The following ERLIN2 variants were observed in gnomAD, a reference collection of about 807,000 sequenced individuals.
ERLIN2 encodes the protein ER lipid raft associated 2.
ERLIN2 carries 22 observed loss-of-function variants against 41.5 expected under a neutral mutation model. The ratio of observed to expected loss-of-function variants is 0.53; its 90% confidence interval spans 0.38 to 0.76. The LOEUF (loss-of-function observed/expected upper bound fraction) is 0.76. Ranked by LOEUF, ERLIN2 falls within the 30% of genes least tolerant of loss-of-function variation. ERLIN2 has a pLI of 0.00. For missense variants in ERLIN2, 247 were observed against 414.3 expected (o/e 0.60, Z 3.51); for synonymous variants, 149 against 150.9 (o/e 0.99, Z 0.09).
rs1231085539 is a variant in ERLIN2 at position 37,750,308 on chromosome 8, C to G, written c.558-87C>G. On this transcript the variant is annotated intron_variant, in intron 8 of 11. Coordinates refer to ENST00000519638, the MANE Select transcript of ERLIN2 (RefSeq NM_007175.8). ...AGGAGTAGGAAATGGGAGTTTGCCT[C>G]TCTTCAGCAGAAGAATTCGACTTAC... The G allele has an allele frequency of 3.9e-6, 4 of 1,034,272 alleles. No homozygotes were observed. The African/African-American group carries it at 4.7e-5, about 12-fold the overall frequency. The allele number at this position is 1,034,272 out of a possible 1,614,324, so 64.1% of individuals were successfully genotyped here. A position where few individuals can be genotyped will look rare whatever the true frequency, so the allele number is the denominator to read the frequency against.
intron 6 of ERLIN2, chr8:37,744,961 C>G: frequency 1.6e-6 from 1 of 620,618 alleles, no homozygotes; most frequent in Non-Finnish European, 2.9e-6. Flanking sequence ...CAATCAGAGG[C>G]TGGAGTGGAA....
chr8:37,748,970 GC>G, intron 6 of ERLIN2, among the ~76,000 whole-genome samples: 1 of 152,330 alleles, frequency 6.6e-6, no homozygotes, highest in South Asian at 2.1e-4. Context: ...AAAGCCTGGG[GC>G]TCGCTTCCAG....
Position 37,744,632 on chromosome 8 carries a change from C to T in ERLIN2, c.360C>T (p.Ile120=), listed in dbSNP as rs1802974342. Residue 120 remains isoleucine (I), a synonymous_variant, in exon 6 of 12, where the codon ATC becomes ATT. Coordinates refer to ENST00000519638, the MANE Select transcript of ERLIN2 (RefSeq NM_007175.8). The stretch of plus-strand genomic sequence containing the variant: ...ACAAGGCCCTCATCTTCAACAAGAT[C>T]CACCACGAACTGAACCAGTTCTGCA... ...DYDKALIFNK[I]HHELNQFCSV... 6.2e-7 allele frequency: 1 copy of T among 1,613,918 alleles called. No homozygotes were observed.
At chr8:37,740,526 C>A in intron 3 of ERLIN2, 80 bp downstream of exon 3, 2 of 915,188 alleles carry the variant, frequency 2.2e-6, no homozygotes, top group South Asian at 1.3e-5. Context: ...ATTATTTAGC[C>A]ATTGGATGAG....
intron 3 of ERLIN2, 102 bp downstream of exon 3, chr8:37,740,548 T>C: frequency 1.5e-6 from 1 of 674,936 alleles, no homozygotes; most frequent in Non-Finnish European, 2.8e-6. Flanking sequence ...AAAATGCCAT[T>C]CTAGAGAATG....
At chr8:37,751,475 C>T in intron 9 of ERLIN2, 151 bp from the exon 10 acceptor site, 1 of 693,888 alleles carries the variant, frequency 1.4e-6, no homozygotes, top group South Asian at 1.5e-5. Context: ...TGCTCACTGG[C>T]ATATCCCACT....
intron 11 of ERLIN2, 63 bp downstream of exon 11, chr8:37,753,592 G>T: frequency 6.8e-7 from 1 of 1,469,446 alleles, no homozygotes; most frequent in Non-Finnish European, 9.5e-7. Context: ...TTGCAGGAGA[G>T]TTTCCAGTGT....
At chr8:37,736,709 C>G in intron 1 of ERLIN2, 31 bp downstream of exon 1, 4 of 985,698 alleles carry the variant, frequency 4.1e-6, no homozygotes, top group Non-Finnish European at 4.8e-6. Context: ...CGTGCGCGCG[C>G]TGGGCCTAGC....
intron 6 of ERLIN2, among the ~76,000 whole-genome samples, chr8:37,749,176 C>T (rs1361466304): frequency 1.3e-5 from 2 of 152,218 alleles, no homozygotes; most frequent in African/African-American, 4.8e-5. Flanking sequence ...AAACTGTGAA[C>T]CTTCCTTCTC....
chr8:37,753,790 A>G (rs1249087047), intron 11 of ERLIN2, 125 bp from the exon 12 acceptor site: 10 of 866,168 alleles, frequency 1.2e-5, no homozygotes, highest in Non-Finnish European at 1.9e-5. Flanking sequence ...TCTTACAGAA[A>G]TGTAACAATG....
intron 8 of ERLIN2, chr8:37,750,128 T>C (rs1803185306): frequency 1.6e-6 from 1 of 620,290 alleles, no homozygotes; most frequent in Admixed American, 2.7e-5. Flanking sequence ...ATGCCCAAGG[T>C]GGAGACAGGA....
At chr8:37,737,821 G>A (rs772458014) in intron 1 of ERLIN2, 87 bp from the exon 2 acceptor site, 5 of 1,533,432 alleles carry the variant, frequency 3.3e-6, no homozygotes, top group Admixed American at 3.5e-5. Context: ...CACTCGCAGG[G>A]AGCTCAGCTT....
chr8:37,737,743 T>C, intron 1 of ERLIN2, 165 bp from the exon 2 acceptor site: 2 of 726,340 alleles, frequency 2.8e-6, no homozygotes, highest in Non-Finnish European at 4.6e-6. Flanking sequence ...GAACGTTGAC[T>C]GAGAACGAGG....
chr8:37,747,485 C>T, intron 6 of ERLIN2: 2 of 1,612,274 alleles, frequency 1.2e-6, no homozygotes, highest in Non-Finnish European at 1.7e-6. Flanking sequence ...GAGTCAGCAA[C>T]TTCCCTAGCC....
chr8:37,752,041 G>A (rs1036436025), intron 10 of ERLIN2, among the ~76,000 whole-genome samples: 24 of 152,142 alleles, frequency 1.6e-4, no homozygotes, highest in Non-Finnish European at 2.1e-4. Flanking sequence ...GCCTTGGAGC[G>A]GTGGGAGTGT....
chr8:37,742,586 T>C (rs1486499669), intron 4 of ERLIN2, among the ~76,000 whole-genome samples: 1 of 152,048 alleles, frequency 6.6e-6, no homozygotes, highest in East Asian at 1.9e-4. Context: ...TTCTCACTTA[T>C]AAGTGGGAAC....
At position 37,744,556 on chromosome 8, in the gene ERLIN2, C is replaced by T; in HGVS notation, c.299-15C>T. 6.2e-7 allele frequency: 1 copy of T among 1,614,176 alleles called. No individual in the cohort carries two copies. Among genetic ancestry groups the T allele is most frequent in the South Asian group, 1.1e-5 (1 of 91,086 alleles). On this transcript the variant is annotated splice_polypyrimidine_tract_variant and intron_variant, in intron 5 of 11. Transcript: ENST00000519638. ...CTTGCCTTTTCTTATGCCAAGCCCT[C>T]TCCTTCCCTCTCAGTGTATGATATA...
rs1162205835 is a variant in ERLIN2, at chr8:37,741,543, A to G, written c.190-229A>G. Reference sequence around the variant, plus strand: ...CCAGTGTCATCTTCACTAAACCATTATTACTCAGCTTGTTGATGTGGTGGT... The same window carrying G: ...CCAGTGTCATCTTCACTAAACCATTGTTACTCAGCTTGTTGATGTGGTGGT... On this transcript the variant is annotated intron_variant, in intron 3 of 11. Transcript: ENST00000519638. This position sits in a 1 kb window ranked among gnomAD's most constrained non-coding sequence, Gnocchi z 4.8. Among the ~76,000 whole-genome samples the G allele has an allele frequency of 6.6e-6, 1 of 152,154 alleles. No individual in the cohort carries two copies. The highest frequency in any genetic ancestry group is 1.5e-5 in the Non-Finnish European group (1 of 68,032).
chr8:37,739,755 C>T (rs1401981348), intron 2 of ERLIN2, among the ~76,000 whole-genome samples: 17 of 151,924 alleles, frequency 1.1e-4, no homozygotes, highest in Admixed American at 9.2e-4. Context: ...CGTGAGCCAC[C>T]GCGCCTGGCC....
Sources: gnomAD v4.1 joint callset for allele counts (sites outside exome capture counted in the v4.1 genomes callset) on GRCh38, gnomAD v4.1.1 for gene constraint, Gnocchi (gnomAD v3.1) non-coding constraint, MANE v1.5 for transcripts, NCBI Gene and HGNC (gene_info 2026-07-23, HGNC 2026-07-21) for gene names.